The following ADAMTSL1 variants were observed in gnomAD, a reference collection of about 807,000 sequenced individuals.
ADAMTSL1 encodes ADAMTS-like protein 1.
In ADAMTSL1, 126 loss-of-function variants were observed where a neutral mutation model predicts 201.8. That is an observed-to-expected ratio of 0.62 (90% CI 0.54 to 0.72). The LOEUF is 0.72. ADAMTSL1 is among the 30% of genes least tolerant of loss of function. The pLI is 0.00. For synonymous variants in ADAMTSL1, 1,121 were observed against 903.4 expected (o/e 1.24, Z -4.32); for missense variants, 2,679 against 2,277.8 (o/e 1.18, Z -3.59).
intron 1 of ADAMTSL1, among the ~76,000 whole-genome samples, chr9:17,926,486 G>A (rs1588427338): frequency 2.6e-5 from 4 of 152,204 alleles, no homozygotes; most frequent in Admixed American, 6.5e-5. Flanking sequence ...ATCTCAACCC[G>A]CATTTCCATA....
At chr9:17,993,113 C>T (rs970071097) in intron 1 of ADAMTSL1, among the ~76,000 whole-genome samples, 1 of 151,986 alleles carries the variant, frequency 6.6e-6, no homozygotes, top group Non-Finnish European at 1.5e-5. Context: ...TGGGATTTAC[C>T]TCTCTAGAGG....
intron 2 of ADAMTSL1, among the ~76,000 whole-genome samples, chr9:18,438,252 A>T (rs546332156): frequency 2.6e-5 from 4 of 152,122 alleles, no homozygotes; most frequent in Non-Finnish European, 4.4e-5. Context: ...TAGGAATGAT[A>T]AGAGAAATAG....
intron 2 of ADAMTSL1, among the ~76,000 whole-genome samples, chr9:18,414,510 T>A (rs1473944829): frequency 6.6e-6 from 1 of 152,176 alleles, no homozygotes; most frequent in Admixed American, 6.5e-5. Flanking sequence ...CAAAAATGTG[T>A]GAAACAATGG....
At chr9:18,646,597 G>A (rs1432017246) in intron 7 of ADAMTSL1, among the ~76,000 whole-genome samples, 1 of 145,822 alleles carries the variant, frequency 6.9e-6, no homozygotes. Context: ...TTTTTAGCAT[G>A]AAGGGTTGTT....
At chr9:18,726,458 C>T (rs1817898954) in intron 15 of ADAMTSL1, among the ~76,000 whole-genome samples, 1 of 151,676 alleles carries the variant, frequency 6.6e-6, no homozygotes, top group African/African-American at 2.4e-5. Flanking sequence ...CTGCAGTGAG[C>T]TGTGATCACA....
chr9:17,965,328 C>T (rs1289498527), intron 1 of ADAMTSL1, among the ~76,000 whole-genome samples: 1 of 152,070 alleles, frequency 6.6e-6, no homozygotes, highest in African/African-American at 2.4e-5. Flanking sequence ...AAATTTAGCA[C>T]ATTTTGTACT....
intron 1 of ADAMTSL1, among the ~76,000 whole-genome samples, chr9:18,115,855 A>G (rs1470471391): frequency 6.6e-6 from 1 of 152,178 alleles, no homozygotes; most frequent in African/African-American, 2.4e-5. Flanking sequence ...TTATGCTTTT[A>G]GCTACCATGC....
chr9:18,067,146 A>T (rs1822741738), intron 1 of ADAMTSL1, among the ~76,000 whole-genome samples: 1 of 152,168 alleles, frequency 6.6e-6, no homozygotes, highest in Non-Finnish European at 1.5e-5. Flanking sequence ...ATAAAAAAAA[A>T]TGCAAGTGGT....
chr9:18,296,127 A>G (rs892027322), intron 2 of ADAMTSL1, among the ~76,000 whole-genome samples: 3 of 152,226 alleles, frequency 2.0e-5, no homozygotes, highest in African/African-American at 7.2e-5. Flanking sequence ...AGTTAATGAT[A>G]TTTCAAGGGA....
intron 3 of ADAMTSL1, among the ~76,000 whole-genome samples, chr9:18,535,823 T>A (rs1174025346): frequency 5.3e-5 from 8 of 152,148 alleles, no homozygotes; most frequent in African/African-American, 1.9e-4. Flanking sequence ...TGTGAGAACT[T>A]ACTATCATGA....
chr9:18,727,909 G>A (rs1428072829), intron 15 of ADAMTSL1, among the ~76,000 whole-genome samples: 3 of 151,932 alleles, frequency 2.0e-5, no homozygotes, highest in East Asian at 1.9e-4. Context: ...GCAAAAACCC[G>A]TCTCTACTAA....
intron 2 of ADAMTSL1, among the ~76,000 whole-genome samples, chr9:18,270,734 A>G (rs377740374): frequency 6.6e-6 from 1 of 152,202 alleles, no homozygotes; most frequent in East Asian, 1.9e-4. Flanking sequence ...CCCTTCCACA[A>G]GAGTTGTCAT....
Position 18,252,008 on chromosome 9 carries a change from T to C in ADAMTSL1, c.207+88027T>C, listed in dbSNP as rs180841251. On this transcript the variant is annotated intron_variant, in intron 2 of 29. Coordinates refer to the ADAMTSL1 transcript ENST00000680146. ...AAAGATATAAATATAAAATATGAAATTAAAGATATTTTAAAATTTCCTACC... is the reference window on the plus strand; with the variant it reads ...AAAGATATAAATATAAAATATGAAACTAAAGATATTTTAAAATTTCCTACC... Among the ~76,000 whole-genome samples, 4 of 151,750 alleles carry C rather than the reference T, an allele frequency of 2.6e-5. No individual in the cohort carries two copies. The East Asian group carries it at 7.7e-4, about 29-fold the overall frequency.
At chr9:18,300,470 G>T (rs947398186) in intron 2 of ADAMTSL1, among the ~76,000 whole-genome samples, 6 of 151,898 alleles carry the variant, frequency 4.0e-5, no homozygotes, top group African/African-American at 1.5e-4. Context: ...AGGGGGAGGG[G>T]GGCTGGGGGA....
chr9:18,433,407 G>T (rs1819583761), intron 2 of ADAMTSL1, among the ~76,000 whole-genome samples: 1 of 152,002 alleles, frequency 6.6e-6, no homozygotes, highest in African/African-American at 2.4e-5. Context: ...TTTTATTTAT[G>T]AACTATAATA....
intron 1 of ADAMTSL1, among the ~76,000 whole-genome samples, chr9:18,142,174 C>T (rs1373511929): frequency 1.3e-5 from 2 of 152,206 alleles, no homozygotes; most frequent in African/African-American, 4.8e-5. Context: ...CCTGCGGTAT[C>T]TTCTACCATC....
intron 4 of ADAMTSL1, among the ~76,000 whole-genome samples, chr9:18,584,180 T>G (rs1823310887): frequency 6.6e-6 from 1 of 152,172 alleles, no homozygotes; most frequent in South Asian, 2.1e-4. Flanking sequence ...TTCCCACGTG[T>G]TGTGGGAGGA....
At chr9:18,341,607 A>G (rs1479411349) in intron 2 of ADAMTSL1, among the ~76,000 whole-genome samples, 1 of 152,176 alleles carries the variant, frequency 6.6e-6, no homozygotes, top group African/African-American at 2.4e-5. Flanking sequence ...GCTTGGATAC[A>G]TAATTTATAA....
chr9:17,948,478 G>A (rs984578517), intron 1 of ADAMTSL1, among the ~76,000 whole-genome samples: 3 of 152,168 alleles, frequency 2.0e-5, no homozygotes, highest in African/African-American at 7.2e-5. Context: ...GCTGTCTGAA[G>A]CCACTGGTAT....
Sources: allele counts gnomAD v4.1 joint callset (sites outside exome capture counted in the v4.1 genomes callset), GRCh38; gene constraint gnomAD v4.1.1; transcripts MANE v1.5; gene names NCBI Gene and HGNC (gene_info 2026-07-23, HGNC 2026-07-21).